CDYL: variants seen among roughly 807,000 people sequenced by gnomAD.
CDYL encodes chromodomain Y like.
Under a neutral mutation model 47.3 loss-of-function variants are expected in CDYL, and 8 were observed. The ratio of observed to expected loss-of-function variants is 0.17; its 90% CI spans 0.10 to 0.31. The LOEUF is 0.31. CDYL is among the 10% of genes least tolerant of loss of function. The pLI is 1.00. For missense variants in CDYL, 471 were observed against 701.4 expected (o/e 0.67, Z 3.71); for synonymous variants, 266 against 265.0 (o/e 1.00, Z -0.04).
chr6:4,845,997 T>C (rs778465414), intron 1 of CDYL, among the ~76,000 whole-genome samples: 1 of 152,182 alleles, frequency 6.6e-6, no homozygotes, highest in Non-Finnish European at 1.5e-5. Flanking sequence ...AATATTTAAC[T>C]GCTATTATGT....
intron 3 of CDYL, among the ~76,000 whole-genome samples, chr6:4,742,296 G>T (rs1757811115): frequency 6.6e-6 from 1 of 150,934 alleles, no homozygotes; most frequent in African/African-American, 2.4e-5. Context: ...TTAAGCCCAG[G>T]AGGCAGAGGT....
chr6:4,791,068 G>A (rs922374450), intron 1 of CDYL, among the ~76,000 whole-genome samples: 1 of 152,204 alleles, frequency 6.6e-6, no homozygotes, highest in African/African-American at 2.4e-5. Flanking sequence ...GAAACAGAAC[G>A]AAGTGTAACG....
rs1465539607 is a variant in CDYL at position 4,892,225 on chromosome 6, C to G, written c.537C>G (p.Pro179=). 1 of 1,614,082 alleles carries G rather than the reference C, an allele frequency of 6.2e-7. No homozygotes were observed. Among genetic ancestry groups the G allele is most frequent in the African/African-American group, 1.3e-5 (1 of 74,924 alleles). The stretch of plus-strand genomic sequence containing the variant: ...AGGGTCAGGAGGACACAGTGGCACC[C>G]GAAGTGGCAGCGGAAAAGCCGGTCG... ...VEQGQEDTVA[P]EVAAEKPVGA... The change falls in exon 2 of 7, where the codon CCC becomes CCG. Residue 179 remains proline (P), a synonymous_variant. Coordinates refer to ENST00000397588, the MANE Select transcript of CDYL (RefSeq NM_004824.4).
At chr6:4,805,646 A>C (rs933216975) in intron 1 of CDYL, among the ~76,000 whole-genome samples, 1 of 152,186 alleles carries the variant, frequency 6.6e-6, no homozygotes, top group Admixed American at 6.5e-5. Context: ...GTAAAGTCCC[A>C]GTGGGAGACT....
At chr6:4,817,116 C>T (rs1381963433) in intron 1 of CDYL, among the ~76,000 whole-genome samples, 1 of 152,172 alleles carries the variant, frequency 6.6e-6, no homozygotes, top group Non-Finnish European at 1.5e-5. Context: ...GTTATTCCTA[C>T]AGGCATTGTA....
chr6:4,736,925 G>A (rs1231303150), intron 3 of CDYL, among the ~76,000 whole-genome samples: 1 of 152,168 alleles, frequency 6.6e-6, no homozygotes, highest in African/African-American at 2.4e-5. Flanking sequence ...GATGGGACAA[G>A]CAACTCTGAG....
chr6:4,909,283 G>A (rs781160564), intron 2 of CDYL, among the ~76,000 whole-genome samples: 22 of 152,170 alleles, frequency 1.4e-4, no homozygotes, highest in Non-Finnish European at 5.9e-5. Flanking sequence ...TGAGGAATCA[G>A]GGAAGGGCTG....
intron 3 of CDYL, among the ~76,000 whole-genome samples, chr6:4,735,084 C>T (rs1000053210): frequency 2.6e-5 from 4 of 152,016 alleles, no homozygotes; most frequent in African/African-American, 9.7e-5. Context: ...GTCGGGAGTT[C>T]AAGACCAGCC....
At position 4,794,188 on chromosome 6, in the gene CDYL, G is replaced by A. The variant is rs76987322; in HGVS notation, c.24+17381G>A. On this transcript the variant is annotated intron_variant, in intron 1 of 6. Coordinates refer to ENST00000397588, the MANE Select transcript of CDYL (RefSeq NM_004824.4). ...GGCACTGTAGCCGTCATCACATAGAGCTTGCGGGGAGATAAGAGACACAGT... is the reference window on the plus strand; with the variant it reads ...GGCACTGTAGCCGTCATCACATAGAACTTGCGGGGAGATAAGAGACACAGT... Among the ~76,000 whole-genome samples, 582 of 152,198 alleles carry A rather than the reference G, an allele frequency of 3.8e-3. 3 individuals are homozygous for A. Among genetic ancestry groups the A allele is most frequent in the African/African-American group, 0.014 (567 of 41,506 alleles).
intron 1 of CDYL, among the ~76,000 whole-genome samples, chr6:4,828,223 T>TTTTG (rs149478276): frequency 0.026 from 3,840 of 148,718 alleles, 179 homozygotes; most frequent in African/African-American, 0.089. Context: ...GATATAGGAC[T>TTTTG]TTTAACAGGT....
chr6:4,917,292 A>G (rs1043493123), intron 2 of CDYL, among the ~76,000 whole-genome samples: 1 of 152,140 alleles, frequency 6.6e-6, no homozygotes, highest in African/African-American at 2.4e-5. Flanking sequence ...CTTCGTTTTA[A>G]TGGCGTTTCC....
chr6:4,749,485 TGGATGAATGA>T, intron 3 of CDYL, among the ~76,000 whole-genome samples: 1 of 151,610 alleles, frequency 6.6e-6, no homozygotes, highest in African/African-American at 2.4e-5. Context: ...GATGAATGGA[TGGATGAATGA>T]ATGGAAGGAT....
At chr6:4,775,818 C>T (rs1226807218), upstream of CDYL, among the ~76,000 whole-genome samples, 2 of 150,482 alleles carry the variant, frequency 1.3e-5, no homozygotes, top group African/African-American at 2.4e-5. This position sits in a 1 kb window ranked among gnomAD's most constrained non-coding sequence, Gnocchi z 7.0. Context: ...GCCGCCGGCC[C>T]TTCGCGGGCT....
At chr6:4,894,927 G>GTATGTGTGTA (rs70974144) in intron 2 of CDYL, among the ~76,000 whole-genome samples, 130,060 of 146,388 alleles carry the variant, frequency 0.89, 57,979 homozygotes, top group East Asian at 0.99. Flanking sequence ...ATACACATAT[G>GTATGTGTGTA]TATGTGTGTA....
intron 2 of CDYL, among the ~76,000 whole-genome samples, chr6:4,716,355 C>T (rs970236117): frequency 2.6e-5 from 4 of 152,128 alleles, no homozygotes; most frequent in African/African-American, 9.7e-5. Flanking sequence ...CCTTCTCTCT[C>T]GCAAGCTCTC....
chr6:4,711,316 G>A (rs749763204), intron 1 of CDYL, among the ~76,000 whole-genome samples: 5 of 152,120 alleles, frequency 3.3e-5, no homozygotes, highest in Non-Finnish European at 7.4e-5. Context: ...AGTGACTTAC[G>A]GGAAGTCGTA....
chr6:4,743,755 C>T (rs756873943), intron 3 of CDYL, among the ~76,000 whole-genome samples: 16 of 152,116 alleles, frequency 1.1e-4, no homozygotes, highest in Non-Finnish European at 2.1e-4. Flanking sequence ...GGTTTAGTTG[C>T]ATAAAACAGG....
chr6:4,765,248 G>A (rs189799329), intron 3 of CDYL, among the ~76,000 whole-genome samples: 33 of 152,150 alleles, frequency 2.2e-4, no homozygotes, highest in Non-Finnish European at 3.7e-4. Context: ...ACTTGAACCC[G>A]GGAGGCAGAG....
chr6:4,776,920 G>A, intron 1 of CDYL, 113 bp downstream of exon 1: 1 of 315,868 alleles, frequency 3.2e-6, no homozygotes, highest in Non-Finnish European at 4.5e-6. Context: ...CCCCTCCCCC[G>A]CCGCGGCCGC....
Sources: allele counts gnomAD v4.1 joint callset (sites outside exome capture counted in the v4.1 genomes callset), GRCh38; gene constraint gnomAD v4.1.1; non-coding constraint Gnocchi (gnomAD v3.1); transcripts MANE v1.5; gene names NCBI Gene and HGNC (gene_info 2026-07-23, HGNC 2026-07-21).